The following L3MBTL4 variants were observed in gnomAD, a reference collection of about 807,000 sequenced individuals.
L3MBTL4 encodes lethal(3)malignant brain tumor-like protein 4.
A neutral mutation model predicts 84.5 loss-of-function variants in L3MBTL4; 70 were observed. The ratio of observed to expected loss-of-function variants is 0.83; its 90% CI spans 0.68 to 1.01. The LOEUF (loss-of-function observed/expected upper bound fraction) is 1.01, where lower values mean the gene tolerates loss of function less well. Among genes scored for constraint, L3MBTL4 ranks in the 50% least tolerant of loss-of-function variants. The pLI is 0.00. For missense variants in L3MBTL4, 715 were observed against 754.8 expected (o/e 0.95, Z 0.62); for synonymous variants, 274 against 259.8 (o/e 1.05, Z -0.52).
chr18:6,283,679 A>G (rs946440374), intron 4 of L3MBTL4, among the ~76,000 whole-genome samples: 1 of 152,214 alleles, frequency 6.6e-6, no homozygotes, highest in Non-Finnish European at 1.5e-5. Context: ...AACACATTAC[A>G]AACATTTTCT....
intron 12 of L3MBTL4, among the ~76,000 whole-genome samples, chr18:6,190,323 TG>T (rs2045012284): frequency 6.6e-6 from 1 of 152,224 alleles, no homozygotes; most frequent in Non-Finnish European, 1.5e-5. Flanking sequence ...AGTTTTTGAA[TG>T]ATAGAAATGT....
At chr18:6,178,611 TA>T (rs2044328130) in intron 12 of L3MBTL4, among the ~76,000 whole-genome samples, 1 of 152,226 alleles carries the variant, frequency 6.6e-6, no homozygotes, top group Non-Finnish European at 1.5e-5. Flanking sequence ...CAAGCTTTGA[TA>T]AACTAGAAAA....
At chr18:6,198,925 T>C (rs1484607798) in intron 12 of L3MBTL4, among the ~76,000 whole-genome samples, 5 of 152,220 alleles carry the variant, frequency 3.3e-5, no homozygotes, top group African/African-American at 1.2e-4. Context: ...AAGGCCAATT[T>C]AAATATTTAG....
rs1275911323 is a variant in L3MBTL4, at chr18:6,099,618, AGAG to A, written c.1200-6093_1200-6091del. On this transcript the variant is annotated intron_variant, in intron 14 of 18. Coordinates refer to ENST00000317931, the MANE Select transcript of L3MBTL4 (RefSeq NM_001330559.2). The stretch of plus-strand genomic sequence containing the variant: ...TATATATATATATATGGAGAGAGAG[AGAG>A]GAGATTTTCAGGTCTCAAGGTCAAT... Among the ~76,000 whole-genome samples, 40 of 133,362 alleles carry A rather than the reference AGAG, an allele frequency of 3.0e-4. 1 individual carries two copies. Among genetic ancestry groups the A allele is most frequent in the African/African-American group, 8.6e-4 (34 of 39,320 alleles). 87.5% of individuals were successfully genotyped at this position (133,362 alleles called of 152,430 possible).
intron 16 of L3MBTL4, among the ~76,000 whole-genome samples, chr18:5,971,674 A>C (rs909579792): frequency 4.6e-5 from 7 of 152,246 alleles, no homozygotes; most frequent in Non-Finnish European, 1.0e-4. Context: ...GCTCCCCAGC[A>C]GGAAAATTTC....
chr18:6,016,105 G>C (rs1322139727), intron 16 of L3MBTL4, among the ~76,000 whole-genome samples: 1 of 152,222 alleles, frequency 6.6e-6, no homozygotes. Flanking sequence ...CAGAGCAAGG[G>C]AAATACTCCA....
chr18:6,100,536 A>C (rs2143842337), intron 14 of L3MBTL4, among the ~76,000 whole-genome samples: 1 of 152,334 alleles, frequency 6.6e-6, no homozygotes, highest in Admixed American at 6.5e-5. Flanking sequence ...GGTTCTTGGT[A>C]TAATGAGTGA....
intron 9 of L3MBTL4, 137 bp from the exon 10 acceptor site, chr18:6,238,177 T>C (rs1392652013): frequency 1.3e-6 from 1 of 747,616 alleles, no homozygotes; most frequent in Admixed American, 2.1e-5. Context: ...AGAAGGAATT[T>C]TCAGTACTGC....
intron 3 of L3MBTL4, among the ~76,000 whole-genome samples, chr18:6,304,793 C>T (rs2050509949): frequency 6.6e-6 from 1 of 152,190 alleles, no homozygotes; most frequent in Admixed American, 6.5e-5. Flanking sequence ...AAGAGACTCC[C>T]TTCTACTGCA....
chr18:6,163,352 T>C (rs1158294701), intron 13 of L3MBTL4, among the ~76,000 whole-genome samples: 2 of 149,590 alleles, frequency 1.3e-5, no homozygotes, highest in Non-Finnish European at 3.0e-5. Context: ...AGGGATGACA[T>C]ATATTGAACC....
intron 1 of L3MBTL4, among the ~76,000 whole-genome samples, chr18:6,382,699 G>A (rs1437550667): frequency 6.6e-6 from 1 of 152,180 alleles, no homozygotes; most frequent in African/African-American, 2.4e-5. Context: ...TATTCCAAAG[G>A]GGCACCTGCC....
At chr18:6,064,439 T>C (rs2057334449) in intron 16 of L3MBTL4, among the ~76,000 whole-genome samples, 2 of 152,262 alleles carry the variant, frequency 1.3e-5, no homozygotes, top group East Asian at 1.9e-4. Flanking sequence ...ATCTGTAGAT[T>C]GCTTTTGGCA....
At chr18:6,067,753 T>C (rs1436922630) in intron 16 of L3MBTL4, among the ~76,000 whole-genome samples, 1 of 152,210 alleles carries the variant, frequency 6.6e-6, no homozygotes. Flanking sequence ...CCTTGAGTAA[T>C]TTAATAAGCA....
chr18:6,189,779 C>G (rs537575591), intron 12 of L3MBTL4, among the ~76,000 whole-genome samples: 1 of 151,346 alleles, frequency 6.6e-6, no homozygotes, highest in Admixed American at 6.6e-5. Context: ...CTGAAAATAG[C>G]AGAAAAAAAG....
chr18:5,969,305 G>T, intron 17 of L3MBTL4, 88 bp downstream of exon 17: 1 of 1,442,562 alleles, frequency 6.9e-7, no homozygotes, highest in South Asian at 1.2e-5. Context: ...CGCTGTCCCA[G>T]ACATCAAAGA....
intron 16 of L3MBTL4, among the ~76,000 whole-genome samples, chr18:6,062,041 A>G (rs971246216): frequency 2.6e-5 from 4 of 151,988 alleles, no homozygotes; most frequent in African/African-American, 9.7e-5. Flanking sequence ...AAAAAGTAAA[A>G]TATTTTATGT....
intron 1 of L3MBTL4, among the ~76,000 whole-genome samples, chr18:6,369,048 T>TTAA (rs769806157): frequency 2.7e-4 from 37 of 138,248 alleles, no homozygotes; most frequent in Non-Finnish European, 4.6e-4. Flanking sequence ...TCTCAAAAAT[T>TTAA]AAAAAAAAAA....
At chr18:6,155,580 G>C (rs1216616377) in intron 13 of L3MBTL4, among the ~76,000 whole-genome samples, 4 of 152,144 alleles carry the variant, frequency 2.6e-5, no homozygotes, top group Non-Finnish European at 1.5e-5. Context: ...GTAAACTTAT[G>C]TGCTGAAGTG....
chr18:6,235,522 A>G (rs2047182354), intron 10 of L3MBTL4, among the ~76,000 whole-genome samples: 1 of 152,234 alleles, frequency 6.6e-6, no homozygotes. Context: ...GTACTGAGAC[A>G]TGCCACAACT....
Sources: gnomAD v4.1 joint callset for allele counts (sites outside exome capture counted in the v4.1 genomes callset) on GRCh38, gnomAD v4.1.1 for gene constraint, MANE v1.5 for transcripts, NCBI Gene and HGNC (gene_info 2026-07-23, HGNC 2026-07-21) for gene names.